Variants in CDH13 observed in about 807,000 individuals in gnomAD.
The protein encoded by CDH13 is cadherin 13, also known as cadherin-13.
Under a neutral mutation model 63.8 loss-of-function variants are expected in CDH13, and 24 were observed. The observed-to-expected ratio is 0.38, with a 90% CI of 0.27 to 0.53. The LOEUF (loss-of-function observed/expected upper bound fraction) is 0.53. CDH13 is among the 20% of genes least tolerant of loss of function. The probability of loss-of-function intolerance (pLI) is 0.85; values close to 1 mark genes in which losing one functional copy is unlikely to be tolerated. For missense variants in CDH13, 1,049 were observed against 903.1 expected, an observed-to-expected ratio of 1.16 and a Z score of -2.07; for synonymous variants, 503 against 355.3, an observed-to-expected ratio of 1.42 and a Z score of -4.67.
chr16:82,919,043 T>G (rs185296016), intron 2 of CDH13, among the ~76,000 whole-genome samples: 3 of 152,370 alleles, frequency 2.0e-5, no homozygotes, highest in Admixed American at 6.5e-5. Context: ...ATACAAGTAA[T>G]GTTCCTTAGT....
At chr16:83,383,610 CAT>C (rs1597883404) in intron 6 of CDH13, among the ~76,000 whole-genome samples, 1 of 152,164 alleles carries the variant, frequency 6.6e-6, no homozygotes. Context: ...AGAATGGACT[CAT>C]GTGGTTTTAA....
chr16:82,867,836 T>C (rs886864359), intron 2 of CDH13, among the ~76,000 whole-genome samples: 17 of 152,218 alleles, frequency 1.1e-4, no homozygotes, highest in Non-Finnish European at 1.2e-4. Context: ...GGATGAACTT[T>C]GCAGCCTCAC....
intron 1 of CDH13, among the ~76,000 whole-genome samples, chr16:82,699,223 C>T (rs192376667): frequency 6.6e-6 from 1 of 152,256 alleles, no homozygotes; most frequent in African/African-American, 2.4e-5. Context: ...AACTGGGATT[C>T]AGGCTGTAGT....
At chr16:83,462,595 AC>A (rs1377401764) in intron 6 of CDH13, among the ~76,000 whole-genome samples, 5 of 152,228 alleles carry the variant, frequency 3.3e-5, no homozygotes, top group African/African-American at 1.2e-4. Context: ...TATTAAAAAT[AC>A]AAAAAAAATA....
intron 10 of CDH13, among the ~76,000 whole-genome samples, chr16:83,697,927 C>A (rs1036125762): frequency 6.6e-6 from 1 of 152,180 alleles, no homozygotes; most frequent in African/African-American, 2.4e-5. Flanking sequence ...GGATTACAGG[C>A]GTGAGCCACT....
chr16:83,119,006 C>G (rs1465507793), intron 3 of CDH13, among the ~76,000 whole-genome samples: 1 of 152,172 alleles, frequency 6.6e-6, no homozygotes, highest in Non-Finnish European at 1.5e-5. Flanking sequence ...TCCTTTTCTT[C>G]TATGCCAGAG....
intron 4 of CDH13, among the ~76,000 whole-genome samples, chr16:83,144,960 T>G (rs1016085939): frequency 1.3e-5 from 2 of 152,196 alleles, no homozygotes; most frequent in African/African-American, 4.8e-5. Flanking sequence ...GGAACACGAT[T>G]TCACCCTTCT....
chr16:82,786,907 A>G (rs1235903089), intron 1 of CDH13, among the ~76,000 whole-genome samples: 1 of 152,060 alleles, frequency 6.6e-6, no homozygotes, highest in East Asian at 1.9e-4. Flanking sequence ...TTTTAAGGGT[A>G]TTGGACAAGG....
intron 4 of CDH13, among the ~76,000 whole-genome samples, chr16:83,203,052 C>T (rs532684905): frequency 1.3e-5 from 2 of 152,054 alleles, no homozygotes; most frequent in South Asian, 4.2e-4. Context: ...ATGGAGAAAC[C>T]CATCTCTACT....
intron 4 of CDH13, among the ~76,000 whole-genome samples, chr16:83,180,591 T>C (rs1223611556): frequency 1.3e-5 from 2 of 152,238 alleles, no homozygotes; most frequent in African/African-American, 4.8e-5. Context: ...AGAAGCCATA[T>C]GTTTGAAGTG....
At chr16:83,233,906 G>C (rs1188254774) in intron 5 of CDH13, among the ~76,000 whole-genome samples, 2 of 152,160 alleles carry the variant, frequency 1.3e-5, no homozygotes, top group Admixed American at 1.3e-4. Flanking sequence ...GTATAGATGA[G>C]GTAATGGAGA....
chr16:83,774,508 G>A (rs1567587058), intron 11 of CDH13, among the ~76,000 whole-genome samples: 1 of 152,158 alleles, frequency 6.6e-6, no homozygotes, highest in Non-Finnish European at 1.5e-5. Context: ...GAGTAGCTGG[G>A]ATTACAGGCA....
At chr16:83,463,897 G>C (rs762988369) in intron 6 of CDH13, among the ~76,000 whole-genome samples, 1 of 152,168 alleles carries the variant, frequency 6.6e-6, no homozygotes, top group Admixed American at 6.5e-5. Context: ...AACAGGGGAA[G>C]ACAGTGCAGT....
chr16:83,064,695 A>G (rs954628181), intron 3 of CDH13, among the ~76,000 whole-genome samples: 2 of 152,174 alleles, frequency 1.3e-5, no homozygotes, highest in Non-Finnish European at 2.9e-5. Context: ...GAGAAAATGT[A>G]TTTAATTAAA....
chr16:82,857,426 G>A (rs2039747819), intron 1 of CDH13, among the ~76,000 whole-genome samples: 1 of 152,158 alleles, frequency 6.6e-6, no homozygotes, highest in African/African-American at 2.4e-5. Context: ...TGGTTGTTGG[G>A]GGGAGGTAAT....
chr16:83,604,647 G>A (rs1908160359), intron 8 of CDH13, among the ~76,000 whole-genome samples: 1 of 152,098 alleles, frequency 6.6e-6, no homozygotes, highest in Admixed American at 6.5e-5. Context: ...TGGAGCTGGT[G>A]TTTCATGGAA....
chr16:82,826,318 CA>C (rs1426176212), intron 1 of CDH13: 4 of 152,152 alleles, frequency 2.6e-5, no homozygotes, highest in Non-Finnish European at 4.4e-5. Context: ...TTCTATATGG[CA>C]GGTGCTTAAA....
intron 7 of CDH13, among the ~76,000 whole-genome samples, chr16:83,570,829 A>C (rs550641360): frequency 1.0e-5 from 1 of 97,602 alleles, no homozygotes; most frequent in Admixed American, 1.2e-4. Context: ...AATATAAATA[A>C]AAATTTATAT....
At chr16:83,156,265 T>G (rs1032387530) in intron 4 of CDH13, among the ~76,000 whole-genome samples, 3 of 152,208 alleles carry the variant, frequency 2.0e-5, no homozygotes, top group African/African-American at 7.2e-5. Flanking sequence ...CATCTCTCTT[T>G]GTTAAGGGCC....
Sources: gnomAD v4.1 joint callset for allele counts (sites outside exome capture counted in the v4.1 genomes callset) on GRCh38, gnomAD v4.1.1 for gene constraint, MANE v1.5 for transcripts, NCBI Gene and HGNC (gene_info 2026-07-23, HGNC 2026-07-21) for gene names.